Variants in SLCO1A2 observed in about 807,000 individuals in gnomAD.
SLCO1A2 encodes the protein OATP-1.
SLCO1A2 carries 67 observed loss-of-function variants against 69.0 expected under a neutral mutation model. That is an observed-to-expected ratio of 0.97 (90% CI 0.80 to 1.19). SLCO1A2 has a LOEUF of 1.19. Ranked by LOEUF, SLCO1A2 falls within the 50% of genes most tolerant of loss-of-function variation. The pLI, the probability that SLCO1A2 is intolerant of heterozygous loss-of-function variation, is 0.00. For missense variants in SLCO1A2, 787 were observed against 793.7 expected (o/e 0.99, Z 0.10); for synonymous variants, 260 against 265.9 (o/e 0.98, Z 0.22).
chr12:21,346,991 CTATT>C, intron 2 of SLCO1A2, among the ~76,000 whole-genome samples: 1 of 147,378 alleles, frequency 6.8e-6, no homozygotes, highest in South Asian at 2.1e-4. Flanking sequence ...AAAAAAGCCA[CTATT>C]TATAGCCCAT....
chr12:21,375,387 G>C (rs907035079), intron 1 of SLCO1A2, among the ~76,000 whole-genome samples: 4 of 152,146 alleles, frequency 2.6e-5, no homozygotes, highest in Non-Finnish European at 5.9e-5. Context: ...CTCACAGAAA[G>C]CTAGGAAAAT....
At chr12:21,274,046 A>AAAT (rs1250602142) in intron 14 of SLCO1A2, 1 of 152,868 alleles carries the variant, frequency 6.5e-6, no homozygotes, top group African/African-American at 2.4e-5. Flanking sequence ...AAGAGGGAGA[A>AAAT]AATATATGAT....
At chr12:21,394,666 G>A (rs907308492) in intron 1 of SLCO1A2, among the ~76,000 whole-genome samples, 2 of 152,026 alleles carry the variant, frequency 1.3e-5, no homozygotes, top group Admixed American at 6.6e-5. Context: ...AGGTGATACG[G>A]CCACCTCCAC....
chr12:21,401,052 A>G (rs1363906573), intron 1 of SLCO1A2, among the ~76,000 whole-genome samples: 1 of 151,386 alleles, frequency 6.6e-6, no homozygotes, highest in Non-Finnish European at 1.5e-5. Context: ...CAAAAAAAAA[A>G]TCAGGAACAA....
At chr12:21,341,837 G>A (rs1293848909) in intron 2 of SLCO1A2, among the ~76,000 whole-genome samples, 1 of 152,022 alleles carries the variant, frequency 6.6e-6, no homozygotes, top group Non-Finnish European at 1.5e-5. Flanking sequence ...AATGGTTCAA[G>A]GTCGGGATAG....
upstream of SLCO1A2, among the ~76,000 whole-genome samples, chr12:21,336,099 C>A (rs1400890850): frequency 6.6e-6 from 1 of 152,018 alleles, no homozygotes; most frequent in Non-Finnish European, 1.5e-5. Context: ...GAACTGCCCT[C>A]ATTTCTTTCT....
At chr12:21,292,084 A>T in intron 12 of SLCO1A2, 80 bp downstream of exon 12, 1 of 943,442 alleles carries the variant, frequency 1.1e-6, no homozygotes. Flanking sequence ...TTAGATACTG[A>T]GTCCTGAGTG....
Position 21,333,171 on chromosome 12 carries a change from C to T in SLCO1A2, c.60+1417G>A, listed in dbSNP as rs574932586. Among the ~76,000 whole-genome samples, 5 of 152,104 alleles carry T rather than the reference C, an allele frequency of 3.3e-5. No individual in the cohort carries two copies. In the East Asian group the frequency reaches 9.7e-4, roughly 29 times the overall value. The stretch of plus-strand genomic sequence containing the variant: ...AAAGCAAGTCCTACTAAATCAAGTA[C>T]AAATCAAATTTGGAAAAATAATTTA... On this transcript the variant is annotated intron_variant, in intron 2 of 14. Transcript: ENST00000683939.
chr12:21,278,324 C>G (rs1377935456), intron 12 of SLCO1A2, among the ~76,000 whole-genome samples: 1 of 152,134 alleles, frequency 6.6e-6, no homozygotes, highest in Non-Finnish European at 1.5e-5. Flanking sequence ...AAACTCACAG[C>G]TCTGAAGGGA....
At chr12:21,388,079 T>C (rs190270298) in intron 1 of SLCO1A2, among the ~76,000 whole-genome samples, 1 of 152,330 alleles carries the variant, frequency 6.6e-6, no homozygotes, top group Admixed American at 6.5e-5. Context: ...GGAATGGGTA[T>C]ATTTACCCAA....
intron 1 of SLCO1A2, among the ~76,000 whole-genome samples, chr12:21,417,497 C>A (rs1942006695): frequency 6.8e-6 from 1 of 147,856 alleles, no homozygotes; most frequent in African/African-American, 2.5e-5. Flanking sequence ...GAGGCAATAC[C>A]AGAAGAAATG....
At chr12:21,298,207 C>G (rs1375055626) in intron 8 of SLCO1A2, among the ~76,000 whole-genome samples, 1 of 152,102 alleles carries the variant, frequency 6.6e-6, no homozygotes, top group South Asian at 2.1e-4. Context: ...CTCAGAGATG[C>G]TGATTCATTT....
upstream of SLCO1A2, among the ~76,000 whole-genome samples, chr12:21,397,112 A>T (rs545895311): frequency 1.3e-5 from 2 of 152,086 alleles, no homozygotes; most frequent in East Asian, 1.9e-4. Flanking sequence ...ATCAGTGTGC[A>T]GTATTCGGGA....
Position 21,300,482 on chromosome 12 carries a change from G to A in SLCO1A2, c.776C>T (p.Thr259Ile), listed in dbSNP as rs370332044. Reference sequence around the variant, plus strand: ...GGGCAAAAAGAAAAAAGGAATGGCAGTGAGCACGTTAACTCCTGCACAAAT... The same window carrying A: ...GGGCAAAAAGAAAAAAGGAATGGCAATGAGCACGTTAACTCCTGCACAAAT... The part of the protein sequence containing the change: ...FLICAGVNVL[T>I]AIPFFFLPNT... The change falls in exon 8 of 15, where the codon ACT becomes ATT. Residue 259 changes from threonine to isoleucine, a missense_variant. Physicochemically the swap from Thr to Ile is moderately conservative, Grantham distance 89. Transcript: ENST00000683939. The A allele has an allele frequency of 6.2e-7, 1 of 1,613,440 alleles. No individual in the cohort carries two copies. Among genetic ancestry groups the A allele is most frequent in the Non-Finnish European group, 8.5e-7 (1 of 1,179,776 alleles).
Position 21,267,186 on chromosome 12 carries a change from C to G in SLCO1A2, c.*2362G>C, listed in dbSNP as rs1390183542. 1.3e-5 allele frequency: 2 copies of G among 151,992 alleles called. No individual in the cohort carries two copies. The highest frequency in any genetic ancestry group is 2.9e-5 in the Non-Finnish European group (2 of 68,040). The allele number at this position is 151,992 out of a possible 1,614,324, so 9.4% of individuals were successfully genotyped here. On this transcript the variant is annotated 3_prime_UTR_variant, in exon 15 of 15. Coordinates refer to ENST00000683939, the MANE Select transcript of SLCO1A2 (RefSeq NM_001386879.1). The stretch of plus-strand genomic sequence containing the variant: ...CCCACCAAGAAGTGTCAAAGGAGAA[C>G]CCTATGTTTTCAGAGTAAAATGCCA...
intron 1 of SLCO1A2, among the ~76,000 whole-genome samples, chr12:21,386,259 G>A (rs1219937154): frequency 6.6e-6 from 1 of 151,910 alleles, no homozygotes; most frequent in Non-Finnish European, 1.5e-5. Flanking sequence ...TTTTGCTTCA[G>A]TTTTCTTATT....
intron 2 of SLCO1A2, among the ~76,000 whole-genome samples, chr12:21,370,151 G>C (rs574314249): frequency 1.1e-4 from 16 of 151,994 alleles, no homozygotes. Flanking sequence ...TTCTGCTCCT[G>C]AGTAGCTCTG....
chr12:21,271,954 A>G (rs1027707920), intron 14 of SLCO1A2, among the ~76,000 whole-genome samples: 1 of 150,958 alleles, frequency 6.6e-6, no homozygotes, highest in Non-Finnish European at 1.5e-5. Flanking sequence ...TCATCCCACA[A>G]GTTTTCTTAT....
chr12:21,392,141 G>A (rs1158149617), intron 1 of SLCO1A2, among the ~76,000 whole-genome samples: 2 of 152,174 alleles, frequency 1.3e-5, no homozygotes, highest in Admixed American at 6.6e-5. Flanking sequence ...GACATCTGCA[G>A]TATCTTTGGT....
Sources: allele counts gnomAD v4.1 joint callset (sites outside exome capture counted in the v4.1 genomes callset), GRCh38; gene constraint gnomAD v4.1.1; transcripts MANE v1.5; gene names NCBI Gene and HGNC (gene_info 2026-07-23, HGNC 2026-07-21).